Variants in MCTP2 observed in about 807,000 individuals in gnomAD.
MCTP2 encodes multiple C2 and transmembrane domain containing 2, also known as multiple C2 and transmembrane domain-containing protein 2.
In MCTP2, 132 loss-of-function variants were observed where a neutral mutation model predicts 111.6. The observed-to-expected ratio is 1.18, with a 90% confidence interval of 1.03 to 1.37. The LOEUF is 1.37. Among genes scored for constraint, MCTP2 ranks in the 40% most tolerant of loss-of-function variants. MCTP2 has a pLI of 0.00. For missense variants in MCTP2, 1,183 were observed against 1,067.9 expected (o/e 1.11, Z -1.50); for synonymous variants, 395 against 387.7 (o/e 1.02, Z -0.22).
chr15:94,473,327 T>G (rs2074082056), intron 21 of MCTP2, among the ~76,000 whole-genome samples: 2 of 152,216 alleles, frequency 1.3e-5, no homozygotes, highest in Admixed American at 6.5e-5. Flanking sequence ...TTTTTATGAA[T>G]GAATGAGCCT....
chr15:94,401,597 A>G (rs1473974145), intron 16 of MCTP2, among the ~76,000 whole-genome samples: 1 of 152,056 alleles, frequency 6.6e-6, no homozygotes, highest in Admixed American at 6.6e-5. Flanking sequence ...TCTCACACAA[A>G]TTCACCAACA....
At chr15:94,255,049 A>G (rs1481184067) in intron 1 of MCTP2, among the ~76,000 whole-genome samples, 1 of 152,194 alleles carries the variant, frequency 6.6e-6, no homozygotes, top group African/African-American at 2.4e-5. Context: ...ATTTTTTAGA[A>G]GTTTTCTATT....
At chr15:94,242,954 TATACACGTGTATATGTGTATCTACAC>T (rs1567248385) in intron 1 of MCTP2, among the ~76,000 whole-genome samples, 125 of 106,364 alleles carry the variant, frequency 1.2e-3, no homozygotes, top group African/African-American at 2.6e-3. Context: ...TAGATACACA[TATACACGTGTATATGTGTATCTACAC>T]ATACACGTGT....
intron 4 of MCTP2, among the ~76,000 whole-genome samples, chr15:94,318,828 C>A (rs1258504803): frequency 6.6e-6 from 1 of 152,184 alleles, no homozygotes; most frequent in East Asian, 1.9e-4. Flanking sequence ...CCATATCTTG[C>A]TGTTTCAAGA....
chr15:94,352,082 A>G (rs1187692140), intron 8 of MCTP2, among the ~76,000 whole-genome samples: 1 of 152,166 alleles, frequency 6.6e-6, no homozygotes, highest in Non-Finnish European at 1.5e-5. Context: ...AAAACATCAA[A>G]TAATGTATGC....
chr15:94,261,975 A>G (rs1021383506), intron 1 of MCTP2, among the ~76,000 whole-genome samples: 1 of 152,204 alleles, frequency 6.6e-6, no homozygotes, highest in Non-Finnish European at 1.5e-5. Context: ...TTTCTTGTAT[A>G]TTGCAATTAA....
At chr15:94,338,581 G>A (rs548455530) in intron 4 of MCTP2, among the ~76,000 whole-genome samples, 1 of 151,032 alleles carries the variant, frequency 6.6e-6, no homozygotes, top group African/African-American at 2.4e-5. Flanking sequence ...CGGAGTGACT[G>A]GAGGGACATT....
At chr15:94,458,687 A>G (rs2084995160) in intron 20 of MCTP2, among the ~76,000 whole-genome samples, 1 of 152,224 alleles carries the variant, frequency 6.6e-6, no homozygotes, top group African/African-American at 2.4e-5. Context: ...TAGTAGCACC[A>G]TAGATGGATA....
At chr15:94,355,723 C>A (rs762782869) in intron 8 of MCTP2, among the ~76,000 whole-genome samples, 37 of 152,176 alleles carry the variant, frequency 2.4e-4, no homozygotes, top group Non-Finnish European at 5.1e-4. Flanking sequence ...AATTCAAAGT[C>A]ATTATTTCTG....
chr15:94,332,034 A>C (rs1293278253), intron 4 of MCTP2, among the ~76,000 whole-genome samples: 1 of 152,220 alleles, frequency 6.6e-6, no homozygotes, highest in Non-Finnish European at 1.5e-5. Flanking sequence ...GGATAAAACC[A>C]CTGGCTTGGA....
rs1186290107 is a variant in MCTP2 at position 94,407,785 on chromosome 15, A to G, written c.2085+5766A>G. Among the ~76,000 whole-genome samples, 218 of 94,356 alleles carry G rather than the reference A, an allele frequency of 2.3e-3. 1 individual carries two copies. Among genetic ancestry groups the G allele is most frequent in the South Asian group, 0.019 (68 of 3,558 alleles). 61.9% of individuals were successfully genotyped at this position (94,356 alleles called of 152,430 possible). ...CACACATGTACTTGTGCACACACACACACACACACACACACACACACACAC... is the reference window on the plus strand; with the variant it reads ...CACACATGTACTTGTGCACACACACGCACACACACACACACACACACACAC... On this transcript the variant is annotated intron_variant, in intron 17 of 22. Coordinates refer to ENST00000357742, the MANE Select transcript of MCTP2 (RefSeq NM_001385001.1).
At chr15:94,441,187 A>G (rs1222520883) in intron 18 of MCTP2, among the ~76,000 whole-genome samples, 1 of 152,146 alleles carries the variant, frequency 6.6e-6, no homozygotes, top group African/African-American at 2.4e-5. Context: ...GATTTAAGGG[A>G]GGTTTCTGGT....
chr15:94,475,257 T>C (rs934546457), intron 21 of MCTP2, among the ~76,000 whole-genome samples: 3 of 151,848 alleles, frequency 2.0e-5, no homozygotes, highest in African/African-American at 7.3e-5. Flanking sequence ...AAAGGCAGAG[T>C]GCAGCTTTGA....
At chr15:94,373,733 G>A (rs11636765) in intron 12 of MCTP2, among the ~76,000 whole-genome samples, 2 of 152,062 alleles carry the variant, frequency 1.3e-5, no homozygotes, top group African/African-American at 4.8e-5. Context: ...CGTTAGACGT[G>A]GATAGCCATA....
In MCTP2 at chr15:94,468,704, G is replaced by T. The variant is rs186029080; in HGVS notation, c.2361-1629G>T. 9.9e-5 allele frequency among the ~76,000 whole-genome samples: 15 copies of T among 152,152 alleles called. No individual in the cohort carries two copies. The East Asian group carries it at 2.9e-3, about 29-fold the overall frequency. On this transcript the variant is annotated intron_variant, in intron 20 of 22. Coordinates refer to ENST00000357742, the MANE Select transcript of MCTP2 (RefSeq NM_001385001.1). ...GGCTGGAGTGCAGTGATGCAATCTC[G>T]GCTCAATGCAACCTCCACTTCCCAG...
chr15:94,325,812 A>ATTTTTTTTTTTTTTTTTTTTTTT lies in MCTP2; in HGVS notation c.637+10179_637+10201dup, dbSNP rs557989149. Among the ~76,000 whole-genome samples the ATTTTTTTTTTTTTTTTTTTTTTT allele has an allele frequency of 2.4e-4, 22 of 91,872 alleles. 1 individual carries two copies. Among genetic ancestry groups the ATTTTTTTTTTTTTTTTTTTTTTT allele is most frequent in the Non-Finnish European group, 3.4e-4 (16 of 46,620 alleles). 60.3% of individuals were successfully genotyped at this position (91,872 alleles called of 152,430 possible). On this transcript the variant is annotated intron_variant, in intron 4 of 22. Coordinates refer to ENST00000357742, the MANE Select transcript of MCTP2 (RefSeq NM_001385001.1). ...GAACCTACTCTACTCCATCGCTCCG[A>ATTTTTTTTTTTTTTTTTTTTTTT]TTTTTTTTTTTTTTTTTTTTTTTTT...
At chr15:94,244,593 C>T (rs1003676580) in intron 1 of MCTP2, among the ~76,000 whole-genome samples, 4 of 146,514 alleles carry the variant, frequency 2.7e-5, no homozygotes, top group Non-Finnish European at 4.5e-5. Flanking sequence ...TACATATGCA[C>T]CTATGTTTAT....
chr15:94,474,433 A>T (rs1335742372), intron 21 of MCTP2, among the ~76,000 whole-genome samples: 2 of 152,192 alleles, frequency 1.3e-5, no homozygotes, highest in Non-Finnish European at 2.9e-5. Context: ...TTATTATTCA[A>T]ATATTAATGT....
At chr15:94,451,017 G>A (rs1390337201) in intron 19 of MCTP2, among the ~76,000 whole-genome samples, 4 of 152,110 alleles carry the variant, frequency 2.6e-5, no homozygotes, top group Admixed American at 6.5e-5. Flanking sequence ...GATACCCAAC[G>A]CCAACAAGGC....
Sources: gnomAD v4.1 joint callset for allele counts (sites outside exome capture counted in the v4.1 genomes callset) on GRCh38, gnomAD v4.1.1 for gene constraint, MANE v1.5 for transcripts, NCBI Gene and HGNC (gene_info 2026-07-23, HGNC 2026-07-21) for gene names.